Variants in RARB observed in about 807,000 individuals in gnomAD.
RARB encodes HBV-activated protein.
Under a neutral mutation model 51.9 loss-of-function variants are expected in RARB, and 17 were observed. The ratio of observed to expected loss-of-function variants is 0.33; its 90% CI spans 0.22 to 0.49. The LOEUF is 0.49. Among genes scored for constraint, RARB ranks in the 20% least tolerant of loss-of-function variants. The pLI, the probability that RARB is intolerant of heterozygous loss-of-function variation, is 0.99. For synonymous variants in RARB, 215 were observed against 195.4 expected (o/e 1.10, Z -0.84); for missense variants, 369 against 550.8 (o/e 0.67, Z 3.30).
rs148626981 is a variant in RARB, at chr3:25,240,159, C to T, written c.178+65584C>T. ...TTAGTTCATCATTGGTGTATAGAAA[C>T]GCTACTGCTTTTTGTATGTTTTATG... On this transcript the variant is annotated intron_variant, in intron 5 of 11. Coordinates refer to the RARB transcript ENST00000383772. Among the ~76,000 whole-genome samples the T allele has an allele frequency of 8.6e-5, 13 of 151,644 alleles. No homozygotes were observed. The East Asian group carries it at 2.1e-3, about 25-fold the overall frequency.
intron 2 of RARB, among the ~76,000 whole-genome samples, chr3:24,988,703 T>A (rs1049702659): frequency 6.6e-6 from 1 of 152,262 alleles, no homozygotes; most frequent in African/African-American, 2.4e-5. Context: ...TGCAATGATA[T>A]CAAATTATTG....
chr3:24,887,118 C>T (rs926891839), intron 2 of RARB, among the ~76,000 whole-genome samples: 3 of 151,860 alleles, frequency 2.0e-5, no homozygotes, highest in African/African-American at 7.3e-5. Context: ...TAAGTAAGGG[C>T]CATCAATTAC....
At chr3:24,998,689 A>G (rs905054878) in intron 2 of RARB, among the ~76,000 whole-genome samples, 6 of 152,040 alleles carry the variant, frequency 3.9e-5, no homozygotes, top group Admixed American at 1.3e-4. Flanking sequence ...TTCCTTTTTT[A>G]TATGTCTTCT....
intron 2 of RARB, among the ~76,000 whole-genome samples, chr3:24,951,056 G>A (rs1695881147): frequency 6.6e-6 from 1 of 152,142 alleles, no homozygotes; most frequent in South Asian, 2.1e-4. Flanking sequence ...GGGATCTCTG[G>A]GAGTACTTCC....
intron 3 of RARB, among the ~76,000 whole-genome samples, chr3:25,072,294 A>G (rs1379784290): frequency 6.6e-6 from 1 of 152,210 alleles, no homozygotes; most frequent in African/African-American, 2.4e-5. Flanking sequence ...AATGGGAATA[A>G]GGACACGTTC....
At chr3:25,561,481 C>T (rs1299725833) in intron 3 of RARB, among the ~76,000 whole-genome samples, 3 of 151,858 alleles carry the variant, frequency 2.0e-5, no homozygotes, top group Non-Finnish European at 4.4e-5. Flanking sequence ...TCGGGTTGTA[C>T]TTCTGGGTTC....
At chr3:25,122,581 G>C (rs1467838816) in intron 3 of RARB, among the ~76,000 whole-genome samples, 1 of 152,074 alleles carries the variant, frequency 6.6e-6, no homozygotes, top group African/African-American at 2.4e-5. Context: ...GAAAGTATGA[G>C]GGGGACAAGT....
intron 1 of RARB, among the ~76,000 whole-genome samples, chr3:24,841,636 A>G (rs1259874683): frequency 6.6e-6 from 1 of 152,232 alleles, no homozygotes; most frequent in African/African-American, 2.4e-5. Flanking sequence ...AGGCAAATTC[A>G]TTACATAATT....
At chr3:25,063,786 T>A (rs1049755493) in intron 3 of RARB, among the ~76,000 whole-genome samples, 1 of 151,740 alleles carries the variant, frequency 6.6e-6, no homozygotes, top group Non-Finnish European at 1.5e-5. Context: ...CCACGGGTTA[T>A]ATTTTCAGAC....
chr3:25,221,954 C>T lies in RARB; in HGVS notation c.178+47379C>T, dbSNP rs188402623. Among the ~76,000 whole-genome samples the T allele has an allele frequency of 5.3e-5, 8 of 152,268 alleles. No individual in the cohort carries two copies. In the East Asian group the frequency reaches 1.4e-3, roughly 26 times the overall value. ...GAACATCTTGACATTACTATTAGCA[C>T]ATGTTGTATCCTGTAATTAAGCAGA... On this transcript the variant is annotated intron_variant, in intron 5 of 11. Transcript: ENST00000383772.
upstream of RARB, among the ~76,000 whole-genome samples, chr3:25,427,530 C>G (rs1316860826): frequency 1.3e-5 from 2 of 152,172 alleles, no homozygotes; most frequent in African/African-American, 4.8e-5. Flanking sequence ...GATCTGAAAT[C>G]TCATTTTCTG....
At position 25,046,327 on chromosome 3, in the gene RARB, A is replaced by G. The variant is rs1043826614; in HGVS notation, c.-379-13798A>G. Among the ~76,000 whole-genome samples the G allele has an allele frequency of 1.1e-4, 16 of 152,362 alleles. No homozygotes were observed. In the Middle Eastern group the frequency reaches 0.01, roughly 97 times the overall value. On this transcript the variant is annotated intron_variant, in intron 2 of 11. Transcript: ENST00000383772. ...GTCTCCTAAGTTATTCCCTAAGTGAATAGAGACTGAGAAACTACAGGTCAT... is the reference window on the plus strand; with the variant it reads ...GTCTCCTAAGTTATTCCCTAAGTGAGTAGAGACTGAGAAACTACAGGTCAT...
chr3:25,277,269 A>G (rs964577564), intron 5 of RARB, among the ~76,000 whole-genome samples: 1 of 152,182 alleles, frequency 6.6e-6, no homozygotes, highest in East Asian at 1.9e-4. Flanking sequence ...AACAAGAGCC[A>G]ATGAAGCCAC....
chr3:25,519,286 A>C (rs1575481739), intron 3 of RARB, among the ~76,000 whole-genome samples: 2 of 150,826 alleles, frequency 1.3e-5, no homozygotes, highest in East Asian at 3.9e-4. Context: ...GTATAGACCT[A>C]AGAGTGAAAT....
intron 2 of RARB, among the ~76,000 whole-genome samples, chr3:24,958,259 T>TTG (rs1696062752): frequency 2.7e-5 from 2 of 75,098 alleles, no homozygotes; most frequent in African/African-American, 7.1e-5. Context: ...GCTCAGGTTT[T>TTG]TTTTTTTTTT....
At chr3:25,039,667 G>T (rs1698073116) in intron 2 of RARB, among the ~76,000 whole-genome samples, 1 of 152,176 alleles carries the variant, frequency 6.6e-6, no homozygotes, top group Non-Finnish European at 1.5e-5. Flanking sequence ...TAAAGGACAA[G>T]AAGCTTTTTT....
rs73144934 is a variant in RARB, at chr3:25,026,349, G to A, written c.-379-33776G>A. Among the ~76,000 whole-genome samples, 665 of 152,222 alleles carry A rather than the reference G, an allele frequency of 4.4e-3. 6 individuals are homozygous for A. Among genetic ancestry groups the A allele is most frequent in the African/African-American group, 0.016 (646 of 41,542 alleles). On this transcript the variant is annotated intron_variant, in intron 2 of 11. Transcript: ENST00000383772. ...TTTTTCTTAAAGTCTTCTATAAGTG[G>A]GCTCATTTTCTCACAATTTTGGGGG... is the stretch of plus-strand genomic sequence containing the variant.
chr3:24,983,466 A>G (rs1381235906), intron 2 of RARB, among the ~76,000 whole-genome samples: 1 of 152,070 alleles, frequency 6.6e-6, no homozygotes, highest in Non-Finnish European at 1.5e-5. Context: ...TGCTGCACCT[A>G]TCAACCTGTC....
chr3:25,084,062 TCTCAGTATTTGGCTAATGA>T (rs1244512729), intron 3 of RARB, among the ~76,000 whole-genome samples: 2 of 152,160 alleles, frequency 1.3e-5, no homozygotes, highest in Non-Finnish European at 2.9e-5. Context: ...TGGATATGTA[TCTCAGTATTTGGCTAATGA>T]CTCAGTAAGA....
Sources: allele counts gnomAD v4.1 joint callset (sites outside exome capture counted in the v4.1 genomes callset), GRCh38; gene constraint gnomAD v4.1.1; transcripts MANE v1.5; gene names NCBI Gene and HGNC (gene_info 2026-07-23, HGNC 2026-07-21).